Variants in CASZ1 observed in about 807,000 individuals in gnomAD.
The protein encoded by CASZ1 is castor zinc finger 1.
A neutral mutation model predicts 135.2 loss-of-function variants in CASZ1; 28 were observed. That is an observed-to-expected ratio of 0.21 (90% CI 0.15 to 0.28). The LOEUF is 0.28. CASZ1 is among the 10% of genes least tolerant of loss of function. The pLI is 1.00. For synonymous variants in CASZ1, 1,068 were observed against 1,073.4 expected, an observed-to-expected ratio of 0.99 and a Z score of 0.10; for missense variants, 2,161 against 2,453.3, an observed-to-expected ratio of 0.88 and a Z score of 2.52.
At chr1:10,754,652 C>T (rs1640212629) in intron 2 of CASZ1, among the ~76,000 whole-genome samples, 2 of 152,184 alleles carry the variant, frequency 1.3e-5, no homozygotes, top group East Asian at 1.9e-4. Flanking sequence ...CGAGGGGACC[C>T]ATCTCTGTGT....
intron 5 of CASZ1, among the ~76,000 whole-genome samples, chr1:10,662,302 ACATT>A (rs1643066974): frequency 3.0e-5 from 3 of 100,170 alleles, no homozygotes; most frequent in Admixed American, 1.9e-4. Context: ...ACACACACAT[ACATT>A]GACACCCACC....
chr1:10,649,637 AG>A (rs1437735391), intron 13 of CASZ1, 200 bp from the exon 14 acceptor site: 2 of 594,896 alleles, frequency 3.4e-6, no homozygotes, highest in East Asian at 5.7e-5. Flanking sequence ...CCCCGACCCC[AG>A]GAGCTGCGAG....
chr1:10,654,336 G>A (rs1467715501), intron 10 of CASZ1, 83 bp downstream of exon 10: 2 of 1,581,316 alleles, frequency 1.3e-6, no homozygotes, highest in Non-Finnish European at 1.7e-6. Context: ...CCGAGGCAGG[G>A]GCCTGAGCCG....
intron 2 of CASZ1, 137 bp downstream of exon 2, chr1:10,760,564 T>C (rs992403719): frequency 6.6e-6 from 1 of 152,316 alleles, no homozygotes; most frequent in African/African-American, 2.4e-5. Flanking sequence ...CTGATGGTGC[T>C]TAAGCTACCA....
Position 10,697,625 on chromosome 1 carries a change from C to G in CASZ1, c.-23-3713G>C, listed in dbSNP as rs970961080. Among the ~76,000 whole-genome samples the G allele has an allele frequency of 2.0e-5, 3 of 152,210 alleles. No individual in the cohort carries two copies. The highest frequency in any genetic ancestry group is 2.9e-5 in the Non-Finnish European group (2 of 68,012). The stretch of plus-strand genomic sequence containing the variant: ...CACCCCCAAGTTGCCCACCTACACT[C>G]TCTCCCTCCCGAGCCTGGGGCCTTC... On this transcript the variant is annotated intron_variant, in intron 3 of 20. Transcript: ENST00000377022. This position sits in a 1 kb window ranked among gnomAD's most constrained non-coding sequence, Gnocchi z 4.7.
At chr1:10,728,334 C>T (rs1265962746) in intron 2 of CASZ1, among the ~76,000 whole-genome samples, 1 of 152,218 alleles carries the variant, frequency 6.6e-6, no homozygotes, top group Non-Finnish European at 1.5e-5. Context: ...CCACAGACAA[C>T]CACGCACCAT....
At chr1:10,751,914 C>T (rs1174827228) in intron 2 of CASZ1, among the ~76,000 whole-genome samples, 2 of 152,212 alleles carry the variant, frequency 1.3e-5, no homozygotes, top group Non-Finnish European at 2.9e-5. Flanking sequence ...GAGGCTGGAC[C>T]TCCACCAGCT....
intron 3 of CASZ1, among the ~76,000 whole-genome samples, chr1:10,695,336 C>T (rs568809255): frequency 7.9e-4 from 120 of 152,252 alleles, no homozygotes; most frequent in African/African-American, 2.8e-3. Context: ...CCAGAGCCTC[C>T]CCGGTCTTCC....
rs1641013457 is a variant in CASZ1 at position 10,794,026 on chromosome 1, G to A, written c.-234+2538C>T. ...CCGAACGGCCCAGCGCCCCCTCCGG[G>A]CACGTGGAGCGCAGCCCCGGCTCAG... On this transcript the variant is annotated intron_variant, in intron 1 of 20. Coordinates refer to ENST00000377022, the MANE Select transcript of CASZ1 (RefSeq NM_001079843.3). The surrounding 1 kb of genome is among the most constrained non-coding windows in gnomAD (Gnocchi z 5.6). Among the ~76,000 whole-genome samples the A allele has an allele frequency of 6.6e-6, 1 of 152,168 alleles. No individual in the cohort carries two copies. Among genetic ancestry groups the A allele is most frequent in the African/African-American group, 2.4e-5 (1 of 41,452 alleles).
Position 10,692,059 on chromosome 1 carries a change from C to T in CASZ1, c.16+1815G>A, listed in dbSNP as rs1371313560. Among the ~76,000 whole-genome samples, 3 of 152,180 alleles carry T rather than the reference C, an allele frequency of 2.0e-5. No homozygotes were observed. In the East Asian group the frequency reaches 5.8e-4, roughly 29 times the overall value. The stretch of plus-strand genomic sequence containing the variant: ...CCCTGGAGTGCTGGGAGAAGTCAGT[C>T]TCCCTAAGGCCCAGGAGAGAAGCCA... On this transcript the variant is annotated intron_variant, in intron 4 of 20. Transcript: ENST00000377022.
intron 6 of CASZ1, 61 bp downstream of exon 6, chr1:10,659,641 G>T (rs1394739401): frequency 5.9e-6 from 8 of 1,357,386 alleles, no homozygotes; most frequent in Non-Finnish European, 8.4e-6. Context: ...TGGTGAGGAA[G>T]GAGGCCTCCT....
Position 10,648,030 on chromosome 1 carries a change from G to A in CASZ1, c.3268C>T (p.Pro1090Ser), listed in dbSNP as rs754361588. The change falls in exon 16 of 21, where the codon CCT (proline) becomes TCT (serine). Residue 1090 changes from proline (P) to serine (S), a missense_variant. Pro to Ser is a moderately conservative substitution (Grantham distance 74, BLOSUM62 -1). Around this residue, in one of 7 missense-constraint regions of CASZ1, gnomAD observed 349 missense variants for 460.8 expected, o/e 0.76. Coordinates refer to ENST00000377022, the MANE Select transcript of CASZ1 (RefSeq NM_001079843.3). ...PPMAPSSPPV[P>S]PVTTATVSSL... ...GACACCGTGGCCGTGGTGACAGGAG[G>A]GACCGGAGGGGACGAGGGGGCCATG... 3 of 1,600,002 alleles carry A rather than the reference G, an allele frequency of 1.9e-6. No homozygotes were observed. Among genetic ancestry groups the A allele is most frequent in the Non-Finnish European group, 2.6e-6 (3 of 1,172,946 alleles).
intron 1 of CASZ1, among the ~76,000 whole-genome samples, chr1:10,784,433 G>A (rs182006480): frequency 5.9e-5 from 9 of 152,340 alleles, no homozygotes; most frequent in East Asian, 1.9e-4. Flanking sequence ...AATGTGGCTC[G>A]TTCAAGGAAG....
In CASZ1 at chr1:10,660,501, T is replaced by C; in HGVS notation, c.541A>G (p.Thr181Ala). 1 of 1,613,794 alleles carries C rather than the reference T, an allele frequency of 6.2e-7. No homozygotes were observed. Among genetic ancestry groups the C allele is most frequent in the Non-Finnish European group, 8.5e-7 (1 of 1,179,972 alleles). Residue 181 changes from threonine to alanine, a missense_variant, in exon 6 of 21, where the codon ACC becomes GCC. Thr to Ala is a moderately conservative substitution (Grantham distance 58). This residue lies in a region of CASZ1 where 590 missense variants were observed against 609.8 expected (regional missense o/e 0.97). Transcript: ENST00000377022. ...ASSLRDYAAS[T>A]MTEFLGMFGY... ...AACATGCCGAGGAACTCGGTCATGG[T>C]GGAGGCCGCGTAGTCCCGCAGCGAG...
chr1:10,650,518 G>A (rs1195786117), intron 13 of CASZ1, 174 bp downstream of exon 13: 2 of 592,740 alleles, frequency 3.4e-6, no homozygotes, highest in Middle Eastern at 2.8e-4. Context: ...AAATTAATTT[G>A]TAAGCAGTGG....
At position 10,659,818 on chromosome 1, in the gene CASZ1, G is replaced by A. The variant is rs747677671; in HGVS notation, c.1224C>T (p.Ser408=). ...GAGGCTCTGGCCCTGGCCCGGGGGC[G>A]CTGGGGGCACTGGGCACGCTGGCGA... ...APLASVPSAP[S]APGPGPEPPA... The change falls in exon 6 of 21, where the codon AGC becomes AGT. Residue 408 remains serine (S), a synonymous_variant. Coordinates refer to ENST00000377022, the MANE Select transcript of CASZ1 (RefSeq NM_001079843.3). 38 of 1,613,216 alleles carry A rather than the reference G, an allele frequency of 2.4e-5. No homozygotes were observed. The highest frequency in any genetic ancestry group is 3.3e-5 in the South Asian group (3 of 91,062).
In CASZ1 at chr1:10,659,972, G is replaced by C; in HGVS notation, c.1070C>G (p.Pro357Arg). The C allele has an allele frequency of 6.2e-7, 1 of 1,613,492 alleles. No homozygotes were observed. The highest frequency in any genetic ancestry group is 8.5e-7 in the Non-Finnish European group (1 of 1,179,988). Residue 357 changes from proline (P) to arginine (R), a missense_variant, in exon 6 of 21, where the codon CCC becomes CGC. By Grantham distance (103) the Pro-to-Arg change is moderately radical. This residue lies in a region of CASZ1 where 590 missense variants were observed against 609.8 expected (regional missense o/e 0.97). Transcript: ENST00000377022. The stretch of plus-strand genomic sequence containing the variant: ...GAAGGCGATGGCCCCGCCCATGTCG[G>C]GGCTGCCCTCCCCGGGTTTGAAGAG... ...LHLFKPGEGS[P>R]DMGGAIAFKT...
At chr1:10,748,465 G>A (rs75870854) in intron 2 of CASZ1, among the ~76,000 whole-genome samples, 1,696 of 152,322 alleles carry the variant, frequency 0.011, 41 homozygotes, top group African/African-American at 0.039. Context: ...TTTAGAGAAC[G>A]CATCCCTGCA....
intron 1 of CASZ1, among the ~76,000 whole-genome samples, chr1:10,775,113 G>A (rs951136013): frequency 2.0e-5 from 3 of 151,970 alleles, no homozygotes; most frequent in Admixed American, 1.3e-4. Context: ...CAATACACAC[G>A]GCAGACTCCG....
Sources: allele counts gnomAD v4.1 joint callset (sites outside exome capture counted in the v4.1 genomes callset), GRCh38; gene constraint gnomAD v4.1.1; regional missense constraint gnomAD v4.1.1; non-coding constraint Gnocchi (gnomAD v3.1); transcripts MANE v1.5; gene names NCBI Gene and HGNC (gene_info 2026-07-23, HGNC 2026-07-21).